COBL: variants seen among roughly 807,000 people sequenced by gnomAD.
COBL encodes cordon-bleu WH2 repeat protein, also known as protein cordon-bleu.
A neutral mutation model predicts 98.8 loss-of-function variants in COBL; 51 were observed. That is an observed-to-expected ratio of 0.52 (90% confidence interval 0.41 to 0.65). The LOEUF is 0.65. Among genes scored for constraint, COBL ranks in the 30% least tolerant of loss-of-function variants. The pLI is 0.00. For missense variants in COBL, 1,617 were observed against 1,617.5 expected, an observed-to-expected ratio of 1.00 and a Z score of 0.01; for synonymous variants, 634 against 651.7, an observed-to-expected ratio of 0.97 and a Z score of 0.41.
At chr7:51,302,088 C>G (rs1802023678) in intron 1 of COBL, among the ~76,000 whole-genome samples, 1 of 152,100 alleles carries the variant, frequency 6.6e-6, no homozygotes, top group Non-Finnish European at 1.5e-5. Flanking sequence ...CAGCCTGGCC[C>G]CATCCTAGGA....
At chr7:51,017,818 G>A (rs1786432342) in intron 12 of COBL, among the ~76,000 whole-genome samples, 1 of 152,190 alleles carries the variant, frequency 6.6e-6, no homozygotes, top group African/African-American at 2.4e-5. Flanking sequence ...CGAGGTCAAG[G>A]GAACTGGGAG....
chr7:51,034,598 A>C (rs1163225904), intron 8 of COBL: 1 of 152,256 alleles, frequency 6.6e-6, no homozygotes, highest in Non-Finnish European at 1.5e-5. Flanking sequence ...CTAATGGATT[A>C]TAAACATTCC....
rs973938187 is a variant in COBL, at chr7:51,262,783, A to G, written c.42-42839T>C. 2.6e-5 allele frequency among the ~76,000 whole-genome samples: 4 copies of G among 152,170 alleles called. No homozygotes were observed. The South Asian group carries it at 6.2e-4, about 24-fold the overall frequency. On this transcript the variant is annotated intron_variant, in intron 1 of 12. Coordinates refer to ENST00000265136, the MANE Select transcript of COBL (RefSeq NM_015198.5). The stretch of plus-strand genomic sequence containing the variant: ...GTGGCTGTGGAGTGAGTGCTGGGAT[A>G]CAAGGATGAAGAGGGCAATAATGAA...
chr7:51,088,248 T>C (rs1794469508), intron 6 of COBL, among the ~76,000 whole-genome samples: 1 of 152,168 alleles, frequency 6.6e-6, no homozygotes, highest in African/African-American at 2.4e-5. Context: ...CTCTGTTTCT[T>C]TCTCTCTGGG....
At chr7:51,116,360 G>T (rs1797269969) in intron 6 of COBL, among the ~76,000 whole-genome samples, 1 of 152,062 alleles carries the variant, frequency 6.6e-6, no homozygotes, top group South Asian at 2.1e-4. Context: ...TATAATATGT[G>T]TGCTCAACTT....
At chr7:51,071,870 G>T (rs1035189495) in intron 7 of COBL, 2 of 151,156 alleles carry the variant, frequency 1.3e-5, no homozygotes, top group African/African-American at 2.4e-5. Context: ...ATGATTTGAG[G>T]TCAAATGACT....
chr7:51,191,159 G>A, intron 3 of COBL, 81 bp from the exon 4 acceptor site: 1 of 1,251,004 alleles, frequency 8.0e-7, no homozygotes, highest in Non-Finnish European at 1.1e-6. Context: ...TTGACAATTG[G>A]GTGTGGCAGG....
chr7:51,029,540 T>C lies in COBL; in HGVS notation c.1556A>G (p.His519Arg), dbSNP rs200382652. ...TDTSSLTSSI[H>R]GASNHCPQDA... is the part of the protein sequence containing the mutation. ...CTGTGGGCAGTGGTTGGATGCACCA[T>C]GGATGGAGCTGGTGAGGGAGCTGGT... Residue 519 changes from histidine to arginine, a missense_variant, in exon 10 of 13, where the codon CAT becomes CGT. His to Arg is a conservative substitution (Grantham distance 29). Transcript: ENST00000265136. 151 of 1,612,552 alleles carry C rather than the reference T, an allele frequency of 9.4e-5. 1 individual carries two copies. Among genetic ancestry groups the C allele is most frequent in the Non-Finnish European group, 1.0e-4 (121 of 1,178,890 alleles).
chr7:51,298,614 G>A (rs531122853), intron 1 of COBL, among the ~76,000 whole-genome samples: 2 of 152,306 alleles, frequency 1.3e-5, no homozygotes, highest in African/African-American at 4.8e-5. Context: ...TGAAAAGTAG[G>A]GAAAGAAATG....
intron 6 of COBL, among the ~76,000 whole-genome samples, chr7:51,091,580 AAGAG>A: frequency 6.6e-6 from 1 of 152,244 alleles, no homozygotes; most frequent in East Asian, 1.9e-4. Flanking sequence ...AGAGAAGGAG[AAGAG>A]AGAAAGGGGC....
chr7:51,246,394 T>G (rs1796272677), intron 1 of COBL, among the ~76,000 whole-genome samples: 1 of 152,122 alleles, frequency 6.6e-6, no homozygotes, highest in African/African-American at 2.4e-5. Flanking sequence ...CACCAAGCAA[T>G]TCCCCTCCCC....
rs34922133 is a variant in COBL, at chr7:51,087,778, C to CTT, written c.958-2476_958-2475dup. Among the ~76,000 whole-genome samples the CTT allele has an allele frequency of 7.0e-3, 820 of 117,260 alleles. 22 individuals are homozygous for CTT. The South Asian group carries it at 0.083, about 12-fold the overall frequency. 76.9% of individuals were successfully genotyped at this position (117,260 alleles called of 152,430 possible). On this transcript the variant is annotated intron_variant, in intron 6 of 12. Transcript: ENST00000265136. ...TATGAGCCACTGTGCCCGGCCCCGC[C>CTT]TTTTTTTTTTTTTTTTTTTTAATTC...
intron 1 of COBL, among the ~76,000 whole-genome samples, chr7:51,246,967 A>G (rs141657001): frequency 2.6e-4 from 39 of 152,336 alleles, no homozygotes; most frequent in African/African-American, 9.1e-4. Context: ...AGCACGCCCC[A>G]GTAAGTCACC....
At chr7:51,259,452 G>C (rs1010446115) in intron 1 of COBL, 15 of 529,980 alleles carry the variant, frequency 2.8e-5, no homozygotes, top group Non-Finnish European at 5.1e-5. Flanking sequence ...TGGATGAGCT[G>C]ATTGATGTGT....
intron 2 of COBL, among the ~76,000 whole-genome samples, chr7:51,218,075 C>T (rs758898429): frequency 5.3e-5 from 8 of 152,252 alleles, no homozygotes; most frequent in African/African-American, 9.6e-5. Context: ...TGGCACCACA[C>T]TGGAGAGCAG....
At chr7:51,079,687 G>C (rs957804022) in intron 7 of COBL, among the ~76,000 whole-genome samples, 3 of 152,206 alleles carry the variant, frequency 2.0e-5, no homozygotes, top group Admixed American at 2.0e-4. Flanking sequence ...TGTGCACAGA[G>C]AACTTGCCCT....
chr7:51,195,501 G>GT (rs1194002575), intron 2 of COBL, among the ~76,000 whole-genome samples: 2 of 152,002 alleles, frequency 1.3e-5, no homozygotes, highest in African/African-American at 2.4e-5. Flanking sequence ...ATTTGGGTTT[G>GT]TTTTTTGGTT....
intron 5 of COBL, among the ~76,000 whole-genome samples, chr7:51,140,130 A>G (rs1383293845): frequency 6.6e-6 from 1 of 152,222 alleles, no homozygotes; most frequent in Admixed American, 6.5e-5. Flanking sequence ...GCAACCAGAT[A>G]AATCATTAAG....
chr7:51,145,617 G>T, intron 5 of COBL, among the ~76,000 whole-genome samples: 1 of 152,056 alleles, frequency 6.6e-6, no homozygotes, highest in South Asian at 2.1e-4. Flanking sequence ...GACCTCAGGT[G>T]ATCTGCCCAC....
Sources: allele counts gnomAD v4.1 joint callset (sites outside exome capture counted in the v4.1 genomes callset), GRCh38; gene constraint gnomAD v4.1.1; transcripts MANE v1.5; gene names NCBI Gene and HGNC (gene_info 2026-07-23, HGNC 2026-07-21).